Variants in RNF220 observed in about 807,000 individuals in gnomAD.
RNF220 encodes the protein E3 ubiquitin-protein ligase RNF220.
Under a neutral mutation model 67.1 loss-of-function variants are expected in RNF220, and 7 were observed. The ratio of observed to expected loss-of-function variants is 0.10; its 90% CI spans 0.06 to 0.20. The LOEUF is 0.20. Ranked by LOEUF, RNF220 falls within the 10% of genes least tolerant of loss-of-function variation. The pLI is 1.00. For synonymous variants in RNF220, 270 were observed against 283.2 expected, an observed-to-expected ratio of 0.95 and a Z score of 0.47; for missense variants, 565 against 740.3, an observed-to-expected ratio of 0.76 and a Z score of 2.75.
intron 2 of RNF220, among the ~76,000 whole-genome samples, chr1:44,526,683 C>T (rs1660403753): frequency 6.6e-6 from 1 of 152,070 alleles, no homozygotes; most frequent in Non-Finnish European, 1.5e-5. Flanking sequence ...CTTCACACAC[C>T]CTCAAATCTC....
intron 2 of RNF220, among the ~76,000 whole-genome samples, chr1:44,460,743 C>T (rs74878223): frequency 0.017 from 2,633 of 152,306 alleles, 83 homozygotes; most frequent in African/African-American, 0.058. Flanking sequence ...CTAAAGAGGC[C>T]GTGCTGGTAC....
rs572273138 is a variant in RNF220, at chr1:44,603,877, A to G, written c.626-10288A>G. On this transcript the variant is annotated intron_variant, in intron 2 of 14. Transcript: ENST00000361799. Reference sequence around the variant, plus strand: ...CCATCCAGCCCTGCAGGCACTTGTAATCAGTGCCCCACGGTCCACCCATCA... The same window carrying G: ...CCATCCAGCCCTGCAGGCACTTGTAGTCAGTGCCCCACGGTCCACCCATCA... Among the ~76,000 whole-genome samples, 44 of 152,360 alleles carry G rather than the reference A, an allele frequency of 2.9e-4. No homozygotes were observed. The East Asian group carries it at 6.4e-3, about 22-fold the overall frequency.
Position 44,489,395 on chromosome 1 carries a change from G to A in RNF220, c.625+76673G>A, listed in dbSNP as rs554593845. 3.9e-5 allele frequency among the ~76,000 whole-genome samples: 6 copies of A among 152,320 alleles called. No individual in the cohort carries two copies. The East Asian group carries it at 5.8e-4, about 15-fold the overall frequency. On this transcript the variant is annotated intron_variant, in intron 2 of 14. Coordinates refer to ENST00000361799, the MANE Select transcript of RNF220 (RefSeq NM_018150.4). Reference sequence around the variant, plus strand: ...ATGGTAAACACTGTAAGAACAATTCGATAAGCTGTCTTGGGAGTTCAGAGG... The same window carrying A: ...ATGGTAAACACTGTAAGAACAATTCAATAAGCTGTCTTGGGAGTTCAGAGG...
chr1:44,619,933 A>T lies in RNF220; in HGVS notation c.759-2809A>T, dbSNP rs146128532. ...AGGTAGTACCAATGCAATGCAAGGG[A>T]CAGTGAAGAGTGTTGCTAGGAAAAG... is the stretch of plus-strand genomic sequence containing the variant. On this transcript the variant is annotated intron_variant, in intron 3 of 14. Transcript: ENST00000361799. 3.4e-3 allele frequency among the ~76,000 whole-genome samples: 518 copies of T among 152,294 alleles called. 7 individuals carry two copies. The highest frequency in any genetic ancestry group is 0.012 in the African/African-American group (498 of 41,548).
At chr1:44,456,362 A>G (rs1653180531) in intron 2 of RNF220, among the ~76,000 whole-genome samples, 1 of 152,220 alleles carries the variant, frequency 6.6e-6, no homozygotes, top group Non-Finnish European at 1.5e-5. Flanking sequence ...ACATTACATT[A>G]ACTATGAGTT....
intron 2 of RNF220, among the ~76,000 whole-genome samples, chr1:44,591,649 G>A (rs1666122248): frequency 6.6e-6 from 1 of 152,222 alleles, no homozygotes; most frequent in Non-Finnish European, 1.5e-5. Context: ...ACAATTTCCT[G>A]TCTAAATATT....
intron 2 of RNF220, among the ~76,000 whole-genome samples, chr1:44,605,639 C>T (rs184589165): frequency 6.6e-6 from 1 of 152,232 alleles, no homozygotes; most frequent in East Asian, 1.9e-4. Flanking sequence ...GTGACAAGGG[C>T]TGTGATAGAA....
Position 44,621,236 on chromosome 1 carries a change from A to G in RNF220, c.759-1506A>G, listed in dbSNP as rs1310263835. Among the ~76,000 whole-genome samples, 1 of 152,176 alleles carries G rather than the reference A, an allele frequency of 6.6e-6. No individual in the cohort carries two copies. Among genetic ancestry groups the G allele is most frequent in the Non-Finnish European group, 1.5e-5 (1 of 68,020 alleles). On this transcript the variant is annotated intron_variant, in intron 3 of 14. Transcript: ENST00000361799. The surrounding 1 kb of genome is among the most constrained non-coding windows in gnomAD (Gnocchi z 4.8). Reference sequence around the variant, plus strand: ...GGACCATGCATCTGTCTTTATGGACATGTGTCTGGGAATATGCCTCTGTGG... The same window carrying G: ...GGACCATGCATCTGTCTTTATGGACGTGTGTCTGGGAATATGCCTCTGTGG...
chr1:44,553,158 G>A (rs879616606), intron 2 of RNF220, among the ~76,000 whole-genome samples: 12 of 151,746 alleles, frequency 7.9e-5, no homozygotes, highest in African/African-American at 2.7e-4. Flanking sequence ...AGTAGGATAG[G>A]TGCCACTTTT....
At chr1:44,593,910 C>A (rs1666285153) in intron 2 of RNF220, among the ~76,000 whole-genome samples, 2 of 151,428 alleles carry the variant, frequency 1.3e-5, no homozygotes, top group South Asian at 4.2e-4. Flanking sequence ...CATGGTGAAA[C>A]CCTGACTCTA....
intron 8 of RNF220, among the ~76,000 whole-genome samples, chr1:44,642,963 G>A (rs1180763654): frequency 6.6e-6 from 1 of 152,204 alleles, no homozygotes; most frequent in Non-Finnish European, 1.5e-5. Flanking sequence ...GGTTTATGGA[G>A]GTGCCACTCA....
chr1:44,506,220 G>T (rs188258697), intron 2 of RNF220, among the ~76,000 whole-genome samples: 41 of 152,376 alleles, frequency 2.7e-4, no homozygotes, highest in African/African-American at 9.6e-4. Flanking sequence ...TGGTCAGAGA[G>T]GGCTGGGTAT....
rs116958723 is a variant in RNF220 at position 44,418,691 on chromosome 1, C to G, written c.625+5969C>G. 8.6e-4 allele frequency among the ~76,000 whole-genome samples: 130 copies of G among 151,744 alleles called. 3 individuals are homozygous for G. In the East Asian group the frequency reaches 0.011, roughly 12 times the overall value. On this transcript the variant is annotated intron_variant, in intron 2 of 14. Transcript: ENST00000361799. Reference sequence around the variant, plus strand: ...GTATCCAAATAACAAAAGTTGCTGTCCCTCCCCACCCCCTTTCCTCATTAG... The same window carrying G: ...GTATCCAAATAACAAAAGTTGCTGTGCCTCCCCACCCCCTTTCCTCATTAG...
intron 2 of RNF220, among the ~76,000 whole-genome samples, chr1:44,488,855 A>G (rs1176371229): frequency 6.8e-6 from 1 of 146,846 alleles, no homozygotes; most frequent in African/African-American, 2.6e-5. Context: ...TCAGCCTCCC[A>G]AGTAGCTGGG....
chr1:44,439,177 C>T (rs961219013), intron 2 of RNF220, among the ~76,000 whole-genome samples: 17 of 152,190 alleles, frequency 1.1e-4, no homozygotes, highest in Admixed American at 2.0e-4. Context: ...ATGCCGCTTG[C>T]CGGATTACCT....
chr1:44,518,530 G>T (rs139337670), intron 2 of RNF220, among the ~76,000 whole-genome samples: 14 of 152,216 alleles, frequency 9.2e-5, no homozygotes, highest in African/African-American at 3.4e-4. Context: ...AGGCCATCAG[G>T]CAGTGCATGG....
chr1:44,572,773 G>A (rs1299409229), intron 2 of RNF220, among the ~76,000 whole-genome samples: 1 of 152,140 alleles, frequency 6.6e-6, no homozygotes, highest in African/African-American at 2.4e-5. Context: ...TAAGGATTCA[G>A]GTCATGCTTG....
chr1:44,622,403 G>A lies in RNF220; in HGVS notation c.759-339G>A, dbSNP rs1293903843. Among the ~76,000 whole-genome samples the A allele has an allele frequency of 6.6e-6, 1 of 152,230 alleles. No homozygotes were observed. The highest frequency in any genetic ancestry group is 1.5e-5 in the Non-Finnish European group (1 of 68,032). ...GAGCGGGCTGGGAACAGGGGGTGGAGAGAAGGGGGTCTCCAGGACAGGCAG... is the reference window on the plus strand; with the variant it reads ...GAGCGGGCTGGGAACAGGGGGTGGAAAGAAGGGGGTCTCCAGGACAGGCAG... On this transcript the variant is annotated intron_variant, in intron 3 of 14. Coordinates refer to ENST00000361799, the MANE Select transcript of RNF220 (RefSeq NM_018150.4). This position sits in a 1 kb window ranked among gnomAD's most constrained non-coding sequence, Gnocchi z 4.3.
chr1:44,412,336 C>T lies in RNF220; in HGVS notation c.239C>T (p.Pro80Leu), dbSNP rs1438967714. Residue 80 changes from proline (P) to leucine (L), a missense_variant, in exon 2 of 15, where the codon CCA (proline) becomes CTA (leucine). Coordinates refer to ENST00000361799, the MANE Select transcript of RNF220 (RefSeq NM_018150.4). This position sits in a 1 kb window ranked among gnomAD's most constrained non-coding sequence, Gnocchi z 5.3. The part of the protein sequence containing the change: ...ASMYHRQGGV[P>L]GTFANRDFPP... Reference sequence around the variant, plus strand: ...ATGTACCATCGGCAAGGTGGGGTGCCAGGCACTTTTGCCAATCGTGATTTC... The same window carrying T: ...ATGTACCATCGGCAAGGTGGGGTGCTAGGCACTTTTGCCAATCGTGATTTC... 12 of 1,614,072 alleles carry T rather than the reference C, an allele frequency of 7.4e-6. No individual in the cohort carries two copies. Among genetic ancestry groups the T allele is most frequent in the Non-Finnish European group, 9.3e-6 (11 of 1,180,038 alleles).
Sources: allele counts gnomAD v4.1 joint callset (sites outside exome capture counted in the v4.1 genomes callset), GRCh38; gene constraint gnomAD v4.1.1; non-coding constraint Gnocchi (gnomAD v3.1); transcripts MANE v1.5; gene names NCBI Gene and HGNC (gene_info 2026-07-23, HGNC 2026-07-21).